The following PPP4R2 variants were observed in gnomAD, a reference collection of about 807,000 sequenced individuals.
The protein encoded by PPP4R2 is serine/threonine-protein phosphatase 4 regulatory subunit 2.
Under a neutral mutation model 47.2 loss-of-function variants are expected in PPP4R2, and 13 were observed. The ratio of observed to expected loss-of-function variants is 0.28; its 90% CI spans 0.18 to 0.44. The LOEUF is 0.44. Among genes scored for constraint, PPP4R2 ranks in the 20% least tolerant of loss-of-function variants. PPP4R2 has a pLI of 1.00. For synonymous variants in PPP4R2, 151 were observed against 163.3 expected, an observed-to-expected ratio of 0.92 and a Z score of 0.57; for missense variants, 421 against 491.2, an observed-to-expected ratio of 0.86 and a Z score of 1.35.
At chr3:73,006,634 TTCTC>T (rs1701615620) in intron 2 of PPP4R2, among the ~76,000 whole-genome samples, 4 of 152,184 alleles carry the variant, frequency 2.6e-5, no homozygotes. Context: ...TCTTGACTCT[TTCTC>T]CTCATTGTGG....
At chr3:73,018,068 G>C (rs535728928) in intron 2 of PPP4R2, among the ~76,000 whole-genome samples, 2 of 152,158 alleles carry the variant, frequency 1.3e-5, no homozygotes, top group Non-Finnish European at 2.9e-5. Flanking sequence ...TAGGAGGTAT[G>C]GTCACTCTAT....
At position 73,043,347 on chromosome 3, in the gene PPP4R2, T is replaced by C. The variant is rs150401220; in HGVS notation, c.117-3839T>C. 1.4e-3 allele frequency among the ~76,000 whole-genome samples: 207 copies of C among 152,264 alleles called. 2 individuals are homozygous for C. Among genetic ancestry groups the C allele is most frequent in the African/African-American group, 4.6e-3 (192 of 41,556 alleles). ...GCTTGTTAAACCTCAAATTCCCCTTTCTAAAATAGGATAGGGAAAGGTGGA... is the reference window on the plus strand; with the variant it reads ...GCTTGTTAAACCTCAAATTCCCCTTCCTAAAATAGGATAGGGAAAGGTGGA... On this transcript the variant is annotated intron_variant, in intron 2 of 8. Transcript: ENST00000356692.
chr3:73,025,878 C>G (rs1296956115), intron 2 of PPP4R2, among the ~76,000 whole-genome samples: 2 of 152,066 alleles, frequency 1.3e-5, no homozygotes, highest in Non-Finnish European at 2.9e-5. Flanking sequence ...GGTATTTAAG[C>G]TAGAGGAGAT....
rs546405446 is a variant in PPP4R2, at chr3:73,002,638, T to C, written c.116+4480T>C. Among the ~76,000 whole-genome samples, 515 of 76,030 alleles carry C rather than the reference T, an allele frequency of 6.8e-3. 3 individuals carry two copies. Among genetic ancestry groups the C allele is most frequent in the Non-Finnish European group, 0.011 (421 of 37,914 alleles). 49.9% of individuals were successfully genotyped at this position (76,030 alleles called of 152,430 possible). A position where few individuals can be genotyped will look rare whatever the true frequency, so the allele number is the denominator to read the frequency against. On this transcript the variant is annotated intron_variant, in intron 2 of 8. Coordinates refer to ENST00000356692, the MANE Select transcript of PPP4R2 (RefSeq NM_174907.4). ...TCTTTTCTTTTCTTTTCTTTTCTTTTTTTTTTTTTTTTTTTTTTTTTGAGA... is the reference window on the plus strand; with the variant it reads ...TCTTTTCTTTTCTTTTCTTTTCTTTCTTTTTTTTTTTTTTTTTTTTTGAGA...
chr3:73,017,105 G>C (rs1391511317), intron 2 of PPP4R2, among the ~76,000 whole-genome samples: 1 of 152,054 alleles, frequency 6.6e-6, no homozygotes, highest in Admixed American at 6.6e-5. Context: ...GATTAATAGA[G>C]AATGGGATAT....
At chr3:73,049,106 A>G (rs911564042) in intron 3 of PPP4R2, among the ~76,000 whole-genome samples, 1 of 152,202 alleles carries the variant, frequency 6.6e-6, no homozygotes, top group Non-Finnish European at 1.5e-5. Context: ...GAAAAAAAAC[A>G]TTTTAAAGGC....
At chr3:73,010,870 A>G (rs1027378798) in intron 2 of PPP4R2, among the ~76,000 whole-genome samples, 4 of 152,184 alleles carry the variant, frequency 2.6e-5, no homozygotes, top group Non-Finnish European at 5.9e-5. Context: ...CAAATATTTA[A>G]TGAACATTTA....
chr3:73,047,499 T>C (rs566891298), intron 3 of PPP4R2, 143 bp downstream of exon 3: 26 of 534,882 alleles, frequency 4.9e-5, no homozygotes, highest in African/African-American at 4.6e-4. Flanking sequence ...TAGTTGATGA[T>C]TTTTAGCTTA....
rs557140917 is a variant in PPP4R2 at position 73,065,533 on chromosome 3, G to A, written c.1065G>A (p.Glu355=). Reference sequence around the variant, plus strand: ...AGGAATCTGATGTGTCTCAAGCTGAGAAAGATTTGCTACATTCTGAAGGTA... The same window carrying A: ...AGGAATCTGATGTGTCTCAAGCTGAAAAAGATTTGCTACATTCTGAAGGTA... ...QMEESDVSQA[E]KDLLHSEGSE... Residue 355 remains glutamate (E), a synonymous_variant, in exon 9 of 9, where the codon GAG becomes GAA. Transcript: ENST00000356692. 2.5e-6 allele frequency: 4 copies of A among 1,612,320 alleles called. No individual in the cohort carries two copies. The East Asian group carries it at 8.9e-5, about 36-fold the overall frequency.
intron 2 of PPP4R2, among the ~76,000 whole-genome samples, chr3:73,030,221 G>A (rs1702143486): frequency 6.6e-6 from 1 of 152,214 alleles, no homozygotes; most frequent in African/African-American, 2.4e-5. Flanking sequence ...TTGCTCAAGT[G>A]ATGCTCTTGA....
At position 73,068,926 on chromosome 3, in the gene PPP4R2, T is replaced by C. The variant is rs1409748239; in HGVS notation, c.*3204T>C. 1.4e-5 allele frequency: 1 copy of C among 68,988 alleles called. No homozygotes were observed. The highest frequency in any genetic ancestry group is 2.5e-5 in the Non-Finnish European group (1 of 40,550). 4.3% of individuals were successfully genotyped at this position (68,988 alleles called of 1,614,324 possible). A position where few individuals can be genotyped will look rare whatever the true frequency, so the allele number is the denominator to read the frequency against. On this transcript the variant is annotated 3_prime_UTR_variant, in exon 9 of 9. Transcript: ENST00000356692. ...CTGAACAGGAATTTAACATTGGTTT[T>C]GATGAAGGTGAGGGTCAGTTCTCAA...
rs1048572878 is a variant in PPP4R2 at position 73,022,232 on chromosome 3, G to A, written c.116+24074G>A. Among the ~76,000 whole-genome samples the A allele has an allele frequency of 7.9e-5, 12 of 152,148 alleles. No individual in the cohort carries two copies. The East Asian group carries it at 2.1e-3, about 27-fold the overall frequency. On this transcript the variant is annotated intron_variant, in intron 2 of 8. Coordinates refer to ENST00000356692, the MANE Select transcript of PPP4R2 (RefSeq NM_174907.4). ...AATATTTTGCTTATTGCTTTTATCA[G>A]CATTGGCCTGTACAAAATACATTAA...
intron 2 of PPP4R2, among the ~76,000 whole-genome samples, chr3:72,999,230 A>G (rs894819502): frequency 6.6e-6 from 1 of 152,210 alleles, no homozygotes; most frequent in Non-Finnish European, 1.5e-5. Flanking sequence ...TATTTATTAC[A>G]TTAAAAAATG....
At chr3:73,023,019 A>G (rs757223091) in intron 2 of PPP4R2, among the ~76,000 whole-genome samples, 2 of 152,010 alleles carry the variant, frequency 1.3e-5, no homozygotes, top group Non-Finnish European at 2.9e-5. Flanking sequence ...TTTAGTTGGT[A>G]TTGTTTGCTC....
chr3:73,069,093 T>A lies in PPP4R2; in HGVS notation c.*3371T>A, dbSNP rs931657882. ...GACTACATCTTACTATTTCACATTT[T>A]AAAAATCAGTACACTCTTCAGGATT... is the stretch of plus-strand genomic sequence containing the variant. On this transcript the variant is annotated 3_prime_UTR_variant, in exon 9 of 9. Coordinates refer to ENST00000356692, the MANE Select transcript of PPP4R2 (RefSeq NM_174907.4). 2.0e-5 allele frequency: 3 copies of A among 152,248 alleles called. No individual in the cohort carries two copies. The highest frequency in any genetic ancestry group is 7.2e-5 in the African/African-American group (3 of 41,480). 9.4% of individuals were successfully genotyped at this position (152,248 alleles called of 1,614,324 possible).
intron 2 of PPP4R2, among the ~76,000 whole-genome samples, chr3:73,039,027 A>T (rs901815407): frequency 1.3e-5 from 2 of 152,244 alleles, no homozygotes; most frequent in African/African-American, 2.4e-5. Flanking sequence ...CCATCTTCAG[A>T]TAGAAGTTTA....
chr3:73,068,492 G>A lies in PPP4R2; in HGVS notation c.*2770G>A, dbSNP rs1196236445. ...AAAATGTAGCAGAAGTAGTGAAAAT[G>A]TCATATTTTAAATGTTGATTATTAG... On this transcript the variant is annotated 3_prime_UTR_variant, in exon 9 of 9. Coordinates refer to ENST00000356692, the MANE Select transcript of PPP4R2 (RefSeq NM_174907.4). 6.6e-6 allele frequency: 1 copy of A among 152,162 alleles called. No individual in the cohort carries two copies. The allele number at this position is 152,162 out of a possible 1,614,324, so 9.4% of individuals were successfully genotyped here.
intron 2 of PPP4R2, among the ~76,000 whole-genome samples, chr3:73,022,019 C>T (rs1438083070): frequency 1.3e-5 from 2 of 151,206 alleles, no homozygotes; most frequent in African/African-American, 4.9e-5. Flanking sequence ...GCCTTAGGTT[C>T]CCAAGTAGCT....
intron 3 of PPP4R2, among the ~76,000 whole-genome samples, chr3:73,047,925 G>A (rs1702518963): frequency 6.6e-6 from 1 of 152,192 alleles, no homozygotes; most frequent in Admixed American, 6.5e-5. Context: ...CACCTAGGCT[G>A]GAATACAGTG....
Sources: allele counts gnomAD v4.1 joint callset (sites outside exome capture counted in the v4.1 genomes callset), GRCh38; gene constraint gnomAD v4.1.1; transcripts MANE v1.5; gene names NCBI Gene and HGNC (gene_info 2026-07-23, HGNC 2026-07-21).